CELA3B: variants seen among roughly 807,000 people sequenced by gnomAD.
CELA3B encodes the protein chymotrypsin-like elastase family member 3B.
In CELA3B, 34 loss-of-function variants were observed where a neutral mutation model predicts 37.2. That is an observed-to-expected ratio of 0.91 (90% CI 0.70 to 1.22). The LOEUF is 1.22. CELA3B is among the 50% of genes most tolerant of loss of function. CELA3B has a pLI of 0.00. For missense variants in CELA3B, 340 were observed against 363.1 expected, an observed-to-expected ratio of 0.94 and a Z score of 0.52; for synonymous variants, 127 against 143.5, an observed-to-expected ratio of 0.89 and a Z score of 0.82.
Position 21,998,273 on chromosome 1 carries a change from T to G in CELA3B, c.*84T>G, listed in dbSNP as rs572565735. 7.7e-3 allele frequency: 3,553 copies of G among 458,992 alleles called. 72 individuals carry two copies. Among genetic ancestry groups the G allele is most frequent in the Non-Finnish European group, 0.012 (2,589 of 219,188 alleles). The allele number at this position is 458,992 out of a possible 1,614,324, so 28.4% of individuals were successfully genotyped here. ...TAGGAAAGGACAATTTGAACTTTGT[T>G]TGAGCTCATATTTTCCAATCCCATC... On this transcript the variant is annotated 3_prime_UTR_variant, in exon 5 of 5. Transcript: ENST00000400277.
At chr1:21,986,411 G>A in intron 6 of CELA3B, 120 bp from the exon 7 acceptor site, 1 of 1,252,414 alleles carries the variant, frequency 8.0e-7, no homozygotes, top group Non-Finnish European at 1.1e-6. Context: ...AAAAAAATGA[G>A]CGAGCTAAGG....
rs189290141 is a variant in CELA3B at position 21,979,221 on chromosome 1, C to T, written c.129+767C>T. Among the ~76,000 whole-genome samples the T allele has an allele frequency of 3.6e-3, 545 of 150,948 alleles. 3 individuals carry two copies. The highest frequency in any genetic ancestry group is 0.011 in the African/African-American group (448 of 41,254). On this transcript the variant is annotated intron_variant, in intron 2 of 7. Coordinates refer to ENST00000337107, the MANE Select transcript of CELA3B (RefSeq NM_007352.4). ...CCAAGTAGCTGGGATTACAGGCATG[C>T]GCCACCAAGCCCGGCTAATTCTGTA...
chr1:21,978,530 T>C, intron 2 of CELA3B, 76 bp downstream of exon 2: 4 of 1,522,982 alleles, frequency 2.6e-6, no homozygotes, highest in Non-Finnish European at 3.6e-6. Flanking sequence ...GCATCCAGCC[T>C]TGACACCATT....
At chr1:21,992,979 AAAAG>A (rs1644874970), downstream of CELA3B, among the ~76,000 whole-genome samples, 2 of 150,800 alleles carry the variant, frequency 1.3e-5, no homozygotes, top group South Asian at 4.2e-4. Context: ...AAAAAAAAAA[AAAAG>A]AAAGAAAAAT....
intron 1 of CELA3B, chr1:21,978,064 C>A: frequency 2.8e-6 from 1 of 355,808 alleles, no homozygotes; most frequent in South Asian, 2.5e-5. Flanking sequence ...CTCTGTATGA[C>A]AATAGCTCTC....
At chr1:21,986,712 T>C (rs1376480400) in intron 7 of CELA3B, 29 bp downstream of exon 7, 1 of 1,596,856 alleles carries the variant, frequency 6.3e-7, no homozygotes. Flanking sequence ...CCCGGAGGGC[T>C]TTAGGGTGGT....
chr1:21,996,427 C>T (rs755894784), intron 4 of CELA3B, among the ~76,000 whole-genome samples: 6 of 151,038 alleles, frequency 4.0e-5, no homozygotes, highest in African/African-American at 7.4e-5. Context: ...ACCAGCACCA[C>T]GACAATTTAC....
downstream of CELA3B, among the ~76,000 whole-genome samples, chr1:21,993,000 G>A (rs1410731117): frequency 6.7e-6 from 1 of 149,290 alleles, no homozygotes; most frequent in Non-Finnish European, 1.5e-5. Flanking sequence ...AAATCTTGTG[G>A]CAGTTAGAAC....
exon 5 of CELA3B, chr1:21,998,385 GC>G (rs939120049): frequency 2.6e-5 from 9 of 341,752 alleles, no homozygotes; most frequent in African/African-American, 2.0e-4. Flanking sequence ...AAAACCCCCC[GC>G]CCCATGGGGG....
Position 21,983,802 on chromosome 1 carries a change from C to A in CELA3B, c.471C>A (p.Cys157Ter). ...ACATCCTTCCCAACGAGACACCCTG[C>A]TACATCACCGGCTGGGGCCGTCTCT... ...AGDILPNETPCYITGWGRLYT... is the reference protein window; with the variant it reads ...AGDILPNETP The change falls in exon 5 of 8, where the codon TGC becomes TGA. Residue 157 changes from cysteine (C) to a stop codon, truncating the protein, a stop_gained. Transcript: ENST00000337107. LOFTEE classifies it high-confidence loss of function. 5.0e-6 allele frequency: 8 copies of A among 1,614,094 alleles called. No homozygotes were observed. Among genetic ancestry groups the A allele is most frequent in the Non-Finnish European group, 6.8e-6 (8 of 1,180,020 alleles).
intron 4 of CELA3B, among the ~76,000 whole-genome samples, chr1:21,996,696 T>C (rs10917106): frequency 0.47 from 70,313 of 150,434 alleles, 19,104 homozygotes; most frequent in African/African-American, 0.68. Context: ...TCCTGTAACA[T>C]CGGGAAGGTA....
intron 1 of CELA3B, among the ~76,000 whole-genome samples, chr1:21,977,708 G>T (rs529034831): frequency 1.3e-5 from 2 of 152,058 alleles, no homozygotes; most frequent in Non-Finnish European, 2.9e-5. Context: ...AAAAGGCAGA[G>T]CTGCACTTAA....
At position 21,978,518 on chromosome 1, in the gene CELA3B, C is replaced by T. The variant is rs878911377; in HGVS notation, c.129+64C>T. The stretch of plus-strand genomic sequence containing the variant: ...CTCTGGACCCTAAGCTCTAATGGCG[C>T]GGCATCCAGCCTTGACACCATTGCT... On this transcript the variant is annotated intron_variant, in intron 2 of 7. Transcript: ENST00000337107. 460 of 1,575,848 alleles carry T rather than the reference C, an allele frequency of 2.9e-4. 1 individual carries two copies. The highest frequency in any genetic ancestry group is 7.0e-4 in the South Asian group (63 of 90,214).
rs1402024347 is a variant in CELA3B at position 21,981,090 on chromosome 1, G to T, written c.280G>T (p.Glu94Ter). 1.9e-6 allele frequency: 3 copies of T among 1,613,742 alleles called. No individual in the cohort carries two copies. Among genetic ancestry groups the T allele is most frequent in the South Asian group, 2.2e-5 (2 of 91,068 alleles). The change falls in exon 4 of 8, where the codon GAG becomes TAG. Residue 94 changes from glutamate to a stop codon, truncating the protein, a stop_gained. Coordinates refer to ENST00000337107, the MANE Select transcript of CELA3B (RefSeq NM_007352.4). LOFTEE classifies it high-confidence loss of function. ...GGGCGAGTACGACCGTGCTGTGAAG[G>T]AGGGCCCCGAGCAGGTGATCCCCAT... Reference protein sequence around the residue: ...VLGEYDRAVKEGPEQVIPINS... With the variant: ...VLGEYDRAVK
At chr1:21,995,922 C>T (rs1569857225) in intron 4 of CELA3B, among the ~76,000 whole-genome samples, 2 of 149,282 alleles carry the variant, frequency 1.3e-5, no homozygotes, top group Middle Eastern at 3.4e-3. Context: ...TTTATATAAG[C>T]ACGCCAGTCA....
Position 21,980,031 on chromosome 1 carries a change from C to G in CELA3B, c.130-793C>G, listed in dbSNP as rs1360639345. ...TCTTTATTAAAAAACAGACCAGAAG[C>G]CTGATGTGCCCCACTGTCCACAGTT... On this transcript the variant is annotated intron_variant, in intron 2 of 7. Transcript: ENST00000337107. 1.9e-4 allele frequency among the ~76,000 whole-genome samples: 9 copies of G among 46,560 alleles called. 3 individuals carry two copies. The highest frequency in any genetic ancestry group is 4.5e-4 in the African/African-American group (9 of 20,048). The allele number at this position is 46,560 out of a possible 152,430, so 30.5% of individuals were successfully genotyped here. A position where few individuals can be genotyped will look rare whatever the true frequency, so the allele number is the denominator to read the frequency against.
At chr1:21,981,972 G>A (rs992491667) in intron 4 of CELA3B, among the ~76,000 whole-genome samples, 12 of 151,992 alleles carry the variant, frequency 7.9e-5, no homozygotes, top group South Asian at 2.1e-4. Flanking sequence ...TGATCTGCCC[G>A]CCTCGGCCTC....
intron 7 of CELA3B, among the ~76,000 whole-genome samples, chr1:21,988,656 C>T (rs182300089): frequency 6.8e-6 from 1 of 147,926 alleles, no homozygotes; most frequent in Non-Finnish European, 1.5e-5. Flanking sequence ...CTTTGGGAGG[C>T]TGAGGTGGGC....
At chr1:21,990,789 C>T (rs150567618), downstream of CELA3B, among the ~76,000 whole-genome samples, 6,411 of 9,288 alleles carry the variant, frequency 0.69, 1,835 homozygotes, top group African/African-American at 0.76. Flanking sequence ...CCCAGCTACT[C>T]GGAAGACTGA....
Sources: allele counts gnomAD v4.1 joint callset (sites outside exome capture counted in the v4.1 genomes callset), GRCh38; gene constraint gnomAD v4.1.1; transcripts MANE v1.5; gene names NCBI Gene and HGNC (gene_info 2026-07-23, HGNC 2026-07-21).